The following WDR33 variants were observed in gnomAD, a reference collection of about 807,000 sequenced individuals.
The protein encoded by WDR33 is pre-mRNA 3' end processing protein WDR33.
In WDR33, 47 loss-of-function variants were observed where a neutral mutation model predicts 164.9. That is an observed-to-expected ratio of 0.29 (90% CI 0.23 to 0.36). The LOEUF (loss-of-function observed/expected upper bound fraction) is 0.36, where lower values mean the gene tolerates loss of function less well. Ranked by LOEUF, WDR33 falls within the 10% of genes least tolerant of loss-of-function variation. The probability of loss-of-function intolerance (pLI) is 1.00; values close to 1 mark genes in which losing one functional copy is unlikely to be tolerated. For missense variants in WDR33, 1,137 were observed against 1,754.1 expected (o/e 0.65, Z 6.28); for synonymous variants, 505 against 589.0 (o/e 0.86, Z 2.06).
rs1486268546 is a variant in WDR33 at position 127,779,435 on chromosome 2, T to C, written c.-23-8431A>G. Among the ~76,000 whole-genome samples the C allele has an allele frequency of 2.0e-5, 3 of 151,916 alleles. No homozygotes were observed. The South Asian group carries it at 6.2e-4, about 31-fold the overall frequency. Reference sequence around the variant, plus strand: ...GAGCCAAGATCACGACACTGCACTCTAGCCTGGGCAACAGGGCGAGACTCC... The same window carrying C: ...GAGCCAAGATCACGACACTGCACTCCAGCCTGGGCAACAGGGCGAGACTCC... On this transcript the variant is annotated intron_variant, in intron 1 of 21. Coordinates refer to ENST00000322313, the MANE Select transcript of WDR33 (RefSeq NM_018383.5).
chr2:127,708,844 G>A lies in WDR33; in HGVS notation c.3614C>T (p.Pro1205Leu). The A allele has an allele frequency of 6.2e-7, 1 of 1,610,512 alleles. No homozygotes were observed. The highest frequency in any genetic ancestry group is 1.1e-5 in the South Asian group (1 of 90,696). The stretch of plus-strand genomic sequence containing the variant: ...GCTGGCTGGGGAATGACCGTCGTGA[G>A]GGGGATGATCAGGGCGGGGAGTATC... Reference protein sequence around the residue: ...FRDTPRPDHPPHDGHSPASRE... With the variant: ...FRDTPRPDHPLHDGHSPASRE... The change falls in exon 21 of 22, where the codon CCT (proline) becomes CTT (leucine). Residue 1205 changes from proline to leucine, a missense_variant. Physicochemically the swap from Pro to Leu is moderately conservative, Grantham distance 98. This residue lies in a region of WDR33 where 867 missense variants were observed against 1,073.0 expected (regional missense o/e 0.81). Coordinates refer to ENST00000322313, the MANE Select transcript of WDR33 (RefSeq NM_018383.5). The surrounding 1 kb of genome is among the most constrained non-coding windows in gnomAD (Gnocchi z 6.7).
At chr2:127,732,128 C>T (rs1255565092) in intron 7 of WDR33, among the ~76,000 whole-genome samples, 4 of 141,534 alleles carry the variant, frequency 2.8e-5, no homozygotes, top group Non-Finnish European at 4.6e-5. Context: ...CACACACACA[C>T]ACACACACAC....
chr2:127,782,048 A>G (rs1688390590), intron 1 of WDR33, among the ~76,000 whole-genome samples: 1 of 151,584 alleles, frequency 6.6e-6, no homozygotes, highest in South Asian at 2.1e-4. Flanking sequence ...CACATATGGA[A>G]TATTCAAAGT....
rs752654882 is a variant in WDR33 at position 127,720,187 on chromosome 2, T to C, written c.1838A>G (p.Asn613Ser). Residue 613 changes from asparagine to serine, a missense_variant, in exon 16 of 22, where the codon AAC (asparagine) becomes AGC (serine). This residue lies in a region of WDR33 where 867 missense variants were observed against 1,073.0 expected (regional missense o/e 0.81). Transcript: ENST00000322313. The surrounding 1 kb of genome is among the most constrained non-coding windows in gnomAD (Gnocchi z 5.9). ...QPHPSQQMPMNMAQMGPPGPQ... is the reference protein window; with the variant it reads ...QPHPSQQMPMSMAQMGPPGPQ... The stretch of plus-strand genomic sequence containing the variant: ...ACCTGGAGGCCCCATTTGAGCCATG[T>C]TCATTGGCATCTGCTGAGATGGATG... The C allele has an allele frequency of 2.5e-6, 4 of 1,612,940 alleles. No homozygotes were observed. Among genetic ancestry groups the C allele is most frequent in the Non-Finnish European group, 3.4e-6 (4 of 1,179,564 alleles).
chr2:127,736,876 G>A (rs759554271), intron 7 of WDR33: 41 of 985,234 alleles, frequency 4.2e-5, no homozygotes, highest in Non-Finnish European at 4.7e-5. Context: ...ACAGGAAAGT[G>A]CACAATTTCC....
At position 127,701,523 on chromosome 2, in the gene WDR33, T is replaced by C; in HGVS notation, c.*4800A>G. The C allele has an allele frequency of 5.3e-6, 7 of 1,316,664 alleles. No individual in the cohort carries two copies. The highest frequency in any genetic ancestry group is 6.8e-6 in the Non-Finnish European group (7 of 1,031,040). The allele number at this position is 1,316,664 out of a possible 1,614,324, so 81.6% of individuals were successfully genotyped here. A position where few individuals can be genotyped will look rare whatever the true frequency, so the allele number is the denominator to read the frequency against. The stretch of plus-strand genomic sequence containing the variant: ...GCTTTTCCTTTCTGCCACCGCCTTG[T>C]CCAAGATGGCGGACCTCCACCGCCA... On this transcript the variant is annotated 3_prime_UTR_variant, in exon 22 of 22. Coordinates refer to ENST00000322313, the MANE Select transcript of WDR33 (RefSeq NM_018383.5).
intron 1 of WDR33, among the ~76,000 whole-genome samples, chr2:127,809,626 G>A (rs1382113994): frequency 4.6e-5 from 7 of 151,774 alleles, no homozygotes; most frequent in Non-Finnish European, 1.0e-4. Flanking sequence ...AGTAGAGACG[G>A]GGTTCCGCCA....
At chr2:127,715,353 G>C (rs1686274638) in intron 17 of WDR33, among the ~76,000 whole-genome samples, 1 of 151,996 alleles carries the variant, frequency 6.6e-6, no homozygotes, top group Non-Finnish European at 1.5e-5. Context: ...CAAAGTGCTG[G>C]GATTACAGGC....
chr2:127,748,885 A>T (rs889232520), intron 7 of WDR33, among the ~76,000 whole-genome samples: 4 of 73,818 alleles, frequency 5.4e-5, no homozygotes, highest in Admixed American at 2.3e-4. Context: ...GCTGAAACTT[A>T]AAAAAAAAAA....
chr2:127,800,402 C>A (rs13391149), intron 1 of WDR33, among the ~76,000 whole-genome samples: 13,188 of 151,988 alleles, frequency 0.087, 625 homozygotes, highest in Middle Eastern at 0.16. Flanking sequence ...TGGGAGGCCG[C>A]GGCAGGCGGA....
chr2:127,798,367 CAAAAAAAAAAAAAAA>C (rs61568967), intron 1 of WDR33, among the ~76,000 whole-genome samples: 2,555 of 19,352 alleles, frequency 0.13, 149 homozygotes, highest in South Asian at 0.46. Flanking sequence ...GACACCGTCG[CAAAAAAAAAAAAAAA>C]AAAAAAAAAA....
intron 1 of WDR33, among the ~76,000 whole-genome samples, chr2:127,785,568 C>T (rs1458804924): frequency 6.6e-6 from 1 of 152,128 alleles, no homozygotes; most frequent in African/African-American, 2.4e-5. Context: ...TGGAATCATA[C>T]AGTGTGGAGC....
chr2:127,717,311 T>C lies in WDR33; in HGVS notation c.2761-48A>G. ...AGGGTATGAAATCACAGGCTTGAGC[T>C]ACATAAATAGTGATTGCATTATAAC... On this transcript the variant is annotated intron_variant, in intron 16 of 21. Transcript: ENST00000322313. This position sits in a 1 kb window ranked among gnomAD's most constrained non-coding sequence, Gnocchi z 5.6. 6.9e-7 allele frequency: 1 copy of C among 1,454,222 alleles called. No individual in the cohort carries two copies. Among genetic ancestry groups the C allele is most frequent in the Non-Finnish European group, 9.2e-7 (1 of 1,087,132 alleles). The allele number at this position is 1,454,222 out of a possible 1,614,324, so 90.1% of individuals were successfully genotyped here.
intron 7 of WDR33, among the ~76,000 whole-genome samples, chr2:127,759,630 G>GCAGTGAGC (rs1415908744): frequency 6.6e-6 from 1 of 152,204 alleles, no homozygotes; most frequent in Non-Finnish European, 1.5e-5. Flanking sequence ...GGCGGAGGTT[G>GCAGTGAGC]CAGTGAGCCA....
chr2:127,701,403 C>A lies in WDR33; in HGVS notation c.*4920G>T. ...CCGCAGAGCAGGCACCGCGGCACTT[C>A]CGCGAGCGCCGCAGGCCCTGCCCCT... On this transcript the variant is annotated 3_prime_UTR_variant, in exon 22 of 22. Coordinates refer to ENST00000322313, the MANE Select transcript of WDR33 (RefSeq NM_018383.5). 3 of 977,862 alleles carry A rather than the reference C, an allele frequency of 3.1e-6. No individual in the cohort carries two copies. The highest frequency in any genetic ancestry group is 2.6e-6 in the Non-Finnish European group (2 of 759,870). The allele number at this position is 977,862 out of a possible 1,614,324, so 60.6% of individuals were successfully genotyped here.
intron 7 of WDR33, among the ~76,000 whole-genome samples, chr2:127,732,348 G>A (rs13030834): frequency 6.6e-6 from 1 of 151,582 alleles, no homozygotes; most frequent in Non-Finnish European, 1.5e-5. Flanking sequence ...GCCCAGGCTA[G>A]AGTGGAGTGG....
rs971644680 is a variant in WDR33, at chr2:127,719,038, A to G, written c.2760+227T>C. On this transcript the variant is annotated intron_variant, in intron 16 of 21. Coordinates refer to ENST00000322313, the MANE Select transcript of WDR33 (RefSeq NM_018383.5). The surrounding 1 kb of genome is among the most constrained non-coding windows in gnomAD (Gnocchi z 6.5). ...AAACTCTATTACCAAAAAAAGAAAA[A>G]TGGTGAGAAGTAAAAATGAATACTG... is the stretch of plus-strand genomic sequence containing the variant. Among the ~76,000 whole-genome samples the G allele has an allele frequency of 9.8e-5, 15 of 152,354 alleles. No individual in the cohort carries two copies. Among genetic ancestry groups the G allele is most frequent in the African/African-American group, 3.4e-4 (14 of 41,588 alleles).
chr2:127,713,630 G>T lies in WDR33; in HGVS notation c.3261C>A (p.Phe1087Leu). Residue 1087 changes from phenylalanine (F) to leucine (L), a missense_variant, in exon 18 of 22, where the codon TTC becomes TTA. Phe to Leu is a conservative substitution (Grantham distance 22, BLOSUM62 0). This residue lies in a region of WDR33 where 867 missense variants were observed against 1,073.0 expected (regional missense o/e 0.81). Transcript: ENST00000322313. This position sits in a 1 kb window ranked among gnomAD's most constrained non-coding sequence, Gnocchi z 6.2. ...AACGTGGGTCCTCGGGATCCCGGGGGAAACGTTCATCTCCGGGCCTGCGGC... is the reference window on the plus strand; with the variant it reads ...AACGTGGGTCCTCGGGATCCCGGGGTAAACGTTCATCTCCGGGCCTGCGGC... ...WEGRRPGDERFPRDPEDPRFR... is the reference protein window; with the variant it reads ...WEGRRPGDERLPRDPEDPRFR... The T allele has an allele frequency of 1.2e-6, 2 of 1,614,258 alleles. No homozygotes were observed. Among genetic ancestry groups the T allele is most frequent in the South Asian group, 1.1e-5 (1 of 91,088 alleles).
intron 1 of WDR33, among the ~76,000 whole-genome samples, chr2:127,779,595 C>A (rs899921149): frequency 2.6e-5 from 4 of 152,188 alleles, no homozygotes; most frequent in African/African-American, 7.2e-5. Context: ...AAAGTATTTT[C>A]TTCCTAGGAA....
Sources: gnomAD v4.1 joint callset for allele counts (sites outside exome capture counted in the v4.1 genomes callset) on GRCh38, gnomAD v4.1.1 for gene constraint, gnomAD v4.1.1 regional missense constraint, Gnocchi (gnomAD v3.1) non-coding constraint, MANE v1.5 for transcripts, NCBI Gene and HGNC (gene_info 2026-07-23, HGNC 2026-07-21) for gene names.